The following FAM114A1 variants were observed in gnomAD, a reference collection of about 807,000 sequenced individuals.
FAM114A1 encodes the protein family with sequence similarity 114 member A1.
A neutral mutation model predicts 64.3 loss-of-function variants in FAM114A1; 62 were observed. That is an observed-to-expected ratio of 0.96 (90% CI 0.79 to 1.19). The LOEUF is 1.19. Among genes scored for constraint, FAM114A1 ranks in the 50% most tolerant of loss-of-function variants. FAM114A1 has a pLI of 0.00. For missense variants in FAM114A1, 645 were observed against 676.3 expected (o/e 0.95, Z 0.51); for synonymous variants, 254 against 251.1 (o/e 1.01, Z -0.11).
intron 3 of FAM114A1, among the ~76,000 whole-genome samples, chr4:38,880,351 T>C (rs1025659981): frequency 3.9e-5 from 6 of 152,190 alleles, no homozygotes; most frequent in Non-Finnish European, 7.3e-5. Context: ...GTAAGTGGTC[T>C]TCAGTATCAT....
chr4:38,903,260 G>A (rs915668238), intron 4 of FAM114A1, among the ~76,000 whole-genome samples: 18 of 152,136 alleles, frequency 1.2e-4, no homozygotes, highest in Non-Finnish European at 1.6e-4. Flanking sequence ...ATCTGTGATC[G>A]TTTATGTTCT....
chr4:38,941,168 C>G, intron 14 of FAM114A1, 147 bp downstream of exon 14: 1 of 669,720 alleles, frequency 1.5e-6, no homozygotes, highest in Non-Finnish European at 2.5e-6. Flanking sequence ...ATTTGTGTAG[C>G]TCAACCAGCT....
intron 10 of FAM114A1, among the ~76,000 whole-genome samples, chr4:38,930,173 T>C (rs1416177520): frequency 1.3e-5 from 2 of 152,226 alleles, no homozygotes; most frequent in African/African-American, 2.4e-5. Flanking sequence ...TGGGTTCCTC[T>C]AATAATACCA....
intron 6 of FAM114A1, 125 bp downstream of exon 6, chr4:38,905,986 GTT>G: frequency 3.1e-6 from 2 of 652,618 alleles, no homozygotes; most frequent in Non-Finnish European, 4.6e-6. Context: ...TTGGATTATG[GTT>G]TTTTTTTTAA....
At chr4:38,881,197 G>C (rs1715235448) in intron 3 of FAM114A1, among the ~76,000 whole-genome samples, 1 of 131,964 alleles carries the variant, frequency 7.6e-6, no homozygotes, top group African/African-American at 3.0e-5. Context: ...GCGAGACTCT[G>C]TCTCAAAAAA....
chr4:38,911,964 C>G lies in FAM114A1; in HGVS notation c.793-2957C>G, dbSNP rs927294969. ...GCAACCTCCGCCTCCTGGGTTCAAG[C>G]AATTCCCCTGCCTCAGCCTCCTGAG... On this transcript the variant is annotated intron_variant, in intron 7 of 14. Coordinates refer to ENST00000358869, the MANE Select transcript of FAM114A1 (RefSeq NM_138389.4). 2.0e-5 allele frequency among the ~76,000 whole-genome samples: 3 copies of G among 148,840 alleles called. No individual in the cohort carries two copies. The East Asian group carries it at 6.0e-4, about 30-fold the overall frequency.
intron 7 of FAM114A1, among the ~76,000 whole-genome samples, chr4:38,912,428 A>C (rs1223201024): frequency 1.3e-5 from 2 of 152,130 alleles, no homozygotes; most frequent in Non-Finnish European, 2.9e-5. Flanking sequence ...TCTGTCACCC[A>C]GGCTGGAGTG....
At chr4:38,876,097 G>A (rs1026683325) in intron 2 of FAM114A1, among the ~76,000 whole-genome samples, 7 of 145,218 alleles carry the variant, frequency 4.8e-5, no homozygotes, top group Admixed American at 2.8e-4. Context: ...TTCTGACAAA[G>A]ATGTTACAAA....
chr4:38,920,698 C>T (rs1719504737), intron 8 of FAM114A1, among the ~76,000 whole-genome samples: 1 of 152,114 alleles, frequency 6.6e-6, no homozygotes, highest in African/African-American at 2.4e-5. Flanking sequence ...CACATTTATT[C>T]AATAATTAAT....
intron 4 of FAM114A1, among the ~76,000 whole-genome samples, chr4:38,895,285 AT>A (rs1284862929): frequency 6.6e-6 from 1 of 152,150 alleles, no homozygotes; most frequent in African/African-American, 2.4e-5. Context: ...TTTCCTGCTG[AT>A]TATTGACCAG....
intron 13 of FAM114A1, among the ~76,000 whole-genome samples, chr4:38,940,073 T>C (rs1579422516): frequency 6.6e-6 from 1 of 151,982 alleles, no homozygotes; most frequent in East Asian, 1.9e-4. Context: ...GTATTTTTAG[T>C]GGACACAGGG....
chr4:38,879,006 C>T (rs2109548092), intron 3 of FAM114A1, among the ~76,000 whole-genome samples: 1 of 152,332 alleles, frequency 6.6e-6, no homozygotes, highest in South Asian at 2.1e-4. Context: ...AGAATGCACT[C>T]ATCACCCCTC....
At chr4:38,929,182 C>G (rs774762685) in intron 9 of FAM114A1, 60 bp from the exon 10 acceptor site, 2 of 1,336,380 alleles carry the variant, frequency 1.5e-6, no homozygotes, top group Admixed American at 3.4e-5. Flanking sequence ...GTTGGGGGAG[C>G]TGCCACATCC....
chr4:38,916,589 T>G (rs562739337), intron 8 of FAM114A1, among the ~76,000 whole-genome samples: 33 of 152,196 alleles, frequency 2.2e-4, no homozygotes, highest in African/African-American at 7.7e-4. Context: ...GTGTTCTTAC[T>G]CATAAGTGAA....
intron 12 of FAM114A1, among the ~76,000 whole-genome samples, chr4:38,935,022 C>A (rs1258570366): frequency 6.6e-6 from 1 of 151,976 alleles, no homozygotes; most frequent in African/African-American, 2.4e-5. Context: ...TCAAGTGATT[C>A]TCCTGCCTCA....
intron 8 of FAM114A1, among the ~76,000 whole-genome samples, chr4:38,918,574 G>C (rs1032549323): frequency 1.3e-5 from 2 of 152,188 alleles, no homozygotes; most frequent in Admixed American, 1.3e-4. Context: ...CTTATATGTA[G>C]AAAATATTCA....
chr4:38,930,039 C>A (rs958225379), intron 10 of FAM114A1, among the ~76,000 whole-genome samples: 1 of 152,164 alleles, frequency 6.6e-6, no homozygotes, highest in East Asian at 1.9e-4. Flanking sequence ...ACCCCGCCCC[C>A]CTTCTAAAGA....
intron 10 of FAM114A1, 22 bp downstream of exon 10, chr4:38,929,355 GTTTCTGGT>G: frequency 6.4e-7 from 1 of 1,561,380 alleles, no homozygotes. Context: ...CTGATTTATA[GTTTCTGGT>G]TAAAAAAAAA....
intron 13 of FAM114A1, among the ~76,000 whole-genome samples, chr4:38,936,375 T>C (rs1484678245): frequency 2.0e-5 from 3 of 151,924 alleles, no homozygotes; most frequent in Non-Finnish European, 4.4e-5. Context: ...ATTACAGGCG[T>C]GAGCCACCGC....
Sources: allele counts gnomAD v4.1 joint callset (sites outside exome capture counted in the v4.1 genomes callset), GRCh38; gene constraint gnomAD v4.1.1; transcripts MANE v1.5; gene names NCBI Gene and HGNC (gene_info 2026-07-23, HGNC 2026-07-21).